The following CNTNAP4 variants were observed in gnomAD, a reference collection of about 807,000 sequenced individuals.
CNTNAP4 encodes the protein contactin associated protein family member 4, also known as contactin-associated protein-like 4.
In CNTNAP4, 98 loss-of-function variants were observed where a neutral mutation model predicts 148.4. The ratio of observed to expected loss-of-function variants is 0.66; its 90% confidence interval spans 0.56 to 0.78. The LOEUF is 0.78. Among genes scored for constraint, CNTNAP4 ranks in the 30% least tolerant of loss-of-function variants. CNTNAP4 has a pLI of 0.00. For missense variants in CNTNAP4, 1,935 were observed against 1,565.6 expected (o/e 1.24, Z -3.98); for synonymous variants, 730 against 565.1 (o/e 1.29, Z -4.14).
At chr16:76,471,864 C>T (rs1056834768) in intron 10 of CNTNAP4, among the ~76,000 whole-genome samples, 1 of 152,034 alleles carries the variant, frequency 6.6e-6, no homozygotes, top group African/African-American at 2.4e-5. Context: ...GTGGTGGTGA[C>T]CATTATCCTA....
intron 1 of CNTNAP4, among the ~76,000 whole-genome samples, chr16:76,299,209 G>A (rs1343994781): frequency 6.6e-6 from 1 of 152,050 alleles, no homozygotes; most frequent in Non-Finnish European, 1.5e-5. Flanking sequence ...GAGTGAACAG[G>A]CAACATACAG....
chr16:76,481,859 G>T (rs2081842774), intron 12 of CNTNAP4, among the ~76,000 whole-genome samples: 1 of 152,076 alleles, frequency 6.6e-6, no homozygotes, highest in South Asian at 2.1e-4. Flanking sequence ...TAGGATAGCG[G>T]GAGTATGGTG....
At chr16:76,295,661 C>T (rs562364607) in intron 1 of CNTNAP4, among the ~76,000 whole-genome samples, 5 of 152,278 alleles carry the variant, frequency 3.3e-5, no homozygotes, top group East Asian at 1.9e-4. Context: ...ACTGACAGCA[C>T]GTCATGGCTG....
At chr16:76,431,636 C>T (rs563076317) in intron 4 of CNTNAP4, among the ~76,000 whole-genome samples, 3 of 152,058 alleles carry the variant, frequency 2.0e-5, no homozygotes, top group Non-Finnish European at 2.9e-5. Flanking sequence ...CCGAAATCAT[C>T]CCACTGCACT....
At chr16:76,439,106 A>G (rs1417625826) in intron 4 of CNTNAP4, among the ~76,000 whole-genome samples, 1 of 152,148 alleles carries the variant, frequency 6.6e-6, no homozygotes, top group Non-Finnish European at 1.5e-5. Flanking sequence ...TTCCTTCGGG[A>G]TGGAGCATCC....
intron 15 of CNTNAP4, among the ~76,000 whole-genome samples, chr16:76,514,932 A>G (rs185059423): frequency 2.6e-5 from 4 of 152,324 alleles, no homozygotes; most frequent in African/African-American, 9.6e-5. Context: ...TCTTCACATC[A>G]GCATTTCAAC....
intron 1 of CNTNAP4, among the ~76,000 whole-genome samples, chr16:76,308,585 T>A (rs1005683207): frequency 1.3e-5 from 2 of 152,108 alleles, no homozygotes; most frequent in Non-Finnish European, 2.9e-5. Flanking sequence ...CGTGAAACAG[T>A]ATGGAAAGCA....
At chr16:76,505,309 T>C (rs1183422722) in intron 15 of CNTNAP4, among the ~76,000 whole-genome samples, 2 of 43,690 alleles carry the variant, frequency 4.6e-5, no homozygotes, top group African/African-American at 7.0e-5. Flanking sequence ...AAAAATAGAC[T>C]ATTGATAACG....
chr16:76,312,519 T>C (rs1961238089), intron 1 of CNTNAP4, among the ~76,000 whole-genome samples: 1 of 152,174 alleles, frequency 6.6e-6, no homozygotes, highest in African/African-American at 2.4e-5. Context: ...CACTGATTAT[T>C]ACTGTTTGAG....
In CNTNAP4 at chr16:76,489,881, A is replaced by G. The variant is rs2082151174; in HGVS notation, c.2078A>G (p.Gln693Arg). 1 of 1,542,606 alleles carries G rather than the reference A, an allele frequency of 6.5e-7. No homozygotes were observed. Among genetic ancestry groups the G allele is most frequent in the Non-Finnish European group, 8.8e-7 (1 of 1,134,074 alleles). Reference protein sequence around the residue: ...YCKKSRLVNKQDGTPLSWWVG... With the variant: ...YCKKSRLVNKRDGTPLSWWVG... ...AAGAAGTCACGGCTGGTCAATAAGC[A>G]AGGTAAGTAAACCATGGTGTCTGTC... The change falls in exon 13 of 24, where the codon CAA becomes CGA. Residue 693 changes from glutamine to arginine, a missense_variant and splice_region_variant. Coordinates refer to ENST00000611870, the MANE Select transcript of CNTNAP4 (RefSeq NM_033401.5).
At chr16:76,336,285 C>G (rs1964017130) in intron 2 of CNTNAP4, among the ~76,000 whole-genome samples, 1 of 152,152 alleles carries the variant, frequency 6.6e-6, no homozygotes, top group Non-Finnish European at 1.5e-5. Flanking sequence ...GCTTAAGTAG[C>G]TTATCTCAGA....
chr16:76,524,160 A>T (rs2083609375), intron 17 of CNTNAP4, among the ~76,000 whole-genome samples: 1 of 152,206 alleles, frequency 6.6e-6, no homozygotes, highest in Non-Finnish European at 1.5e-5. Flanking sequence ...CCTTTACTCA[A>T]ATATTTAATG....
chr16:76,305,624 G>C (rs960013852), intron 1 of CNTNAP4, among the ~76,000 whole-genome samples: 1 of 152,166 alleles, frequency 6.6e-6, no homozygotes, highest in African/African-American at 2.4e-5. Flanking sequence ...TTAGCAGTGG[G>C]GAAGGAACTG....
Position 76,318,918 on chromosome 16 carries a change from A to G in CNTNAP4, c.196+2395A>G, listed in dbSNP as rs554471583. 5.3e-5 allele frequency among the ~76,000 whole-genome samples: 8 copies of G among 152,178 alleles called. No individual in the cohort carries two copies. In the South Asian group the frequency reaches 1.7e-3, roughly 32 times the overall value. On this transcript the variant is annotated intron_variant, in intron 2 of 23. Transcript: ENST00000611870. ...AATTAAACCAGCAAATAAAGGTCCT[A>G]GTATCTTAGATACACAGAATGACTT... is the stretch of plus-strand genomic sequence containing the variant.
At position 76,412,990 on chromosome 16, in the gene CNTNAP4, C is replaced by T. The variant is rs370488604; in HGVS notation, c.391-14462C>T. Among the ~76,000 whole-genome samples, 36 of 151,426 alleles carry T rather than the reference C, an allele frequency of 2.4e-4. No individual in the cohort carries two copies. The South Asian group carries it at 5.6e-3, about 24-fold the overall frequency. ...GTGATCAATCCTTCTTTAAAAATTTCTTTCTTTTTAATTTTTTATGGGTAT... is the reference window on the plus strand; with the variant it reads ...GTGATCAATCCTTCTTTAAAAATTTTTTTCTTTTTAATTTTTTATGGGTAT... On this transcript the variant is annotated intron_variant, in intron 3 of 23. Coordinates refer to ENST00000611870, the MANE Select transcript of CNTNAP4 (RefSeq NM_033401.5).
intron 2 of CNTNAP4, among the ~76,000 whole-genome samples, chr16:76,351,341 T>C (rs1486327008): frequency 6.6e-6 from 1 of 151,272 alleles, no homozygotes; most frequent in Non-Finnish European, 1.5e-5. Context: ...TTCATGTCAC[T>C]AGCTGTCATC....
intron 1 of CNTNAP4, among the ~76,000 whole-genome samples, chr16:76,304,787 A>G (rs1960311106): frequency 2.0e-5 from 3 of 152,144 alleles, no homozygotes; most frequent in African/African-American, 7.2e-5. Context: ...TTGGTTCTGC[A>G]ATTACAGTTT....
intron 10 of CNTNAP4, among the ~76,000 whole-genome samples, chr16:76,471,744 G>A (rs181203839): frequency 4.6e-5 from 7 of 152,202 alleles, no homozygotes; most frequent in South Asian, 2.1e-4. Context: ...GTGTTATTCC[G>A]CCTCCTGTAA....
chr16:76,460,773 A>AAAAAAAAAATAT, intron 8 of CNTNAP4, among the ~76,000 whole-genome samples: 1 of 57,324 alleles, frequency 1.7e-5, no homozygotes, highest in African/African-American at 6.4e-5. Flanking sequence ...AAAAAAAAAA[A>AAAAAAAAAATAT]ATATATATAT....
Sources: gnomAD v4.1 joint callset for allele counts (sites outside exome capture counted in the v4.1 genomes callset) on GRCh38, gnomAD v4.1.1 for gene constraint, MANE v1.5 for transcripts, NCBI Gene and HGNC (gene_info 2026-07-23, HGNC 2026-07-21) for gene names.